The following EML5 variants were observed in gnomAD, a reference collection of about 807,000 sequenced individuals.
The protein encoded by EML5 is EMAP like 5.
EML5 carries 120 observed loss-of-function variants against 250.0 expected under a neutral mutation model. The ratio of observed to expected loss-of-function variants is 0.48; its 90% confidence interval spans 0.41 to 0.56. The LOEUF (loss-of-function observed/expected upper bound fraction) is 0.56. EML5 is among the 20% of genes least tolerant of loss of function. The pLI, the probability that EML5 is intolerant of heterozygous loss-of-function variation, is 0.00. For missense variants in EML5, 2,006 were observed against 2,437.6 expected (o/e 0.82, Z 3.73); for synonymous variants, 771 against 806.5 (o/e 0.96, Z 0.75).
At chr14:88,681,353 G>A (rs2092709325) in intron 21 of EML5, among the ~76,000 whole-genome samples, 1 of 152,220 alleles carries the variant, frequency 6.6e-6, no homozygotes, top group Admixed American at 6.5e-5. Flanking sequence ...GCTCACGCCT[G>A]TGATCCCACC....
At chr14:88,724,271 AT>A (rs1415173397) in intron 8 of EML5, among the ~76,000 whole-genome samples, 7 of 133,188 alleles carry the variant, frequency 5.3e-5, no homozygotes, top group Non-Finnish European at 4.6e-5. Context: ...AAGACTCCAT[AT>A]CAAAAAAAAA....
intron 20 of EML5, 75 bp from the exon 21 acceptor site, chr14:88,682,106 A>G (rs1356896763): frequency 1.3e-5 from 18 of 1,335,266 alleles, no homozygotes; most frequent in Non-Finnish European, 1.7e-5. Flanking sequence ...GAATAAAGCT[A>G]AAGATACCAT....
At chr14:88,669,349 G>A (rs1043782760) in intron 21 of EML5, among the ~76,000 whole-genome samples, 3 of 152,166 alleles carry the variant, frequency 2.0e-5, no homozygotes, top group Admixed American at 1.3e-4. Flanking sequence ...TGAGCTCCCT[G>A]GGCGAGGGGC....
chr14:88,659,940 G>A (rs1402399525), intron 25 of EML5, among the ~76,000 whole-genome samples: 12 of 152,066 alleles, frequency 7.9e-5, no homozygotes, highest in Admixed American at 7.9e-4. Context: ...TTATGTTCAT[G>A]TTGGTGCCAG....
chr14:88,702,692 A>T, intron 13 of EML5, 60 bp from the exon 14 acceptor site: 2 of 1,212,032 alleles, frequency 1.7e-6, no homozygotes, highest in East Asian at 2.8e-5. Flanking sequence ...TCAATACAGA[A>T]TATACAGGGG....
intron 2 of EML5, among the ~76,000 whole-genome samples, chr14:88,746,714 T>G (rs959808271): frequency 2.0e-5 from 3 of 152,206 alleles, no homozygotes; most frequent in Non-Finnish European, 2.9e-5. Context: ...CCCTGATTTC[T>G]GTGCTGTGGG....
At chr14:88,704,709 G>C (rs959467553) in intron 13 of EML5, 151 bp downstream of exon 13, 6 of 561,668 alleles carry the variant, frequency 1.1e-5, no homozygotes, top group African/African-American at 3.7e-5. Context: ...CTCATGATTA[G>C]ATTCAGGTGA....
chr14:88,669,564 G>T, intron 21 of EML5, among the ~76,000 whole-genome samples: 1 of 152,168 alleles, frequency 6.6e-6, no homozygotes, highest in East Asian at 1.9e-4. Context: ...ACTCCAGCCA[G>T]AGGTTTGTGG....
chr14:88,634,497 G>T lies in EML5; in HGVS notation c.4337-8C>A. The stretch of plus-strand genomic sequence containing the variant: ...ACATGTCTGCTGAATCACCTATAAT[G>T]GAAAATAATTATCTATAAATAACAT... On this transcript the variant is annotated splice_polypyrimidine_tract_variant and splice_region_variant and intron_variant, in intron 32 of 43. Transcript: ENST00000554922. 7.0e-7 allele frequency: 1 copy of T among 1,425,328 alleles called. No individual in the cohort carries two copies. Among genetic ancestry groups the T allele is most frequent in the Non-Finnish European group, 9.4e-7 (1 of 1,068,078 alleles). The allele number at this position is 1,425,328 out of a possible 1,614,324, so 88.3% of individuals were successfully genotyped here.
chr14:88,648,545 C>T (rs1415249353), intron 28 of EML5, among the ~76,000 whole-genome samples: 4 of 152,034 alleles, frequency 2.6e-5, no homozygotes, highest in East Asian at 1.9e-4. Flanking sequence ...TTTGTAGAGA[C>T]GGTGCCTCAT....
chr14:88,785,885 A>C (rs1367621549), intron 1 of EML5, among the ~76,000 whole-genome samples: 1 of 152,158 alleles, frequency 6.6e-6, no homozygotes, highest in Non-Finnish European at 1.5e-5. Flanking sequence ...AAGTCAAATT[A>C]TGTCACTATT....
In EML5 at chr14:88,694,233, G is replaced by C. The variant is rs141184293; in HGVS notation, c.2539+74C>G. On this transcript the variant is annotated intron_variant, in intron 17 of 43. Coordinates refer to ENST00000554922, the MANE Select transcript of EML5 (RefSeq NM_183387.3). The stretch of plus-strand genomic sequence containing the variant: ...CAGGATGCAGTCTAGGGTACACACT[G>C]CACTTAGCTAAATTACTTTCAAAAG... 7.0e-6 allele frequency: 7 copies of C among 996,206 alleles called. No homozygotes were observed. In the East Asian group the frequency reaches 1.8e-4, roughly 26 times the overall value. The allele number at this position is 996,206 out of a possible 1,614,324, so 61.7% of individuals were successfully genotyped here. A position where few individuals can be genotyped will look rare whatever the true frequency, so the allele number is the denominator to read the frequency against.
chr14:88,737,034 A>AGCTGTTTTGTC, intron 6 of EML5, among the ~76,000 whole-genome samples: 1 of 151,952 alleles, frequency 6.6e-6, no homozygotes, highest in East Asian at 1.9e-4. Context: ...CTCCATTGAG[A>AGCTGTTTTGTC]GCTGTTTTGT....
intron 14 of EML5, among the ~76,000 whole-genome samples, chr14:88,700,031 G>C (rs1316012661): frequency 6.6e-6 from 1 of 151,992 alleles, no homozygotes; most frequent in African/African-American, 2.4e-5. Flanking sequence ...ACTACATTGT[G>C]AGCTCCCGAT....
intron 27 of EML5, among the ~76,000 whole-genome samples, chr14:88,652,751 C>A (rs893707763): frequency 1.3e-5 from 2 of 152,142 alleles, no homozygotes; most frequent in Non-Finnish European, 2.9e-5. Context: ...CTTCTGAAGT[C>A]CATGCCATTC....
intron 21 of EML5, among the ~76,000 whole-genome samples, chr14:88,681,028 T>C (rs2092703730): frequency 6.6e-6 from 1 of 152,154 alleles, no homozygotes; most frequent in African/African-American, 2.4e-5. Context: ...AAATGGGTAG[T>C]TAAGATTAAA....
chr14:88,787,150 A>ACCCTTCT (rs2094559508), intron 1 of EML5, among the ~76,000 whole-genome samples: 1 of 152,180 alleles, frequency 6.6e-6, no homozygotes, highest in Non-Finnish European at 1.5e-5. Flanking sequence ...TCTTCTGATG[A>ACCCTTCT]CCCTTCTCCC....
chr14:88,682,118 C>T, intron 20 of EML5, 87 bp from the exon 21 acceptor site: 1 of 1,280,236 alleles, frequency 7.8e-7, no homozygotes, highest in South Asian at 2.6e-5. Flanking sequence ...AGATACCATT[C>T]AATAATATAT....
chr14:88,681,547 T>G (rs2092713638), intron 21 of EML5, among the ~76,000 whole-genome samples: 1 of 152,230 alleles, frequency 6.6e-6, no homozygotes, highest in Non-Finnish European at 1.5e-5. Flanking sequence ...TTTGAATTTT[T>G]TTTAGTCCCC....
Sources: allele counts gnomAD v4.1 joint callset (sites outside exome capture counted in the v4.1 genomes callset), GRCh38; gene constraint gnomAD v4.1.1; transcripts MANE v1.5; gene names NCBI Gene and HGNC (gene_info 2026-07-23, HGNC 2026-07-21).